Variants in RBFOX1 observed in about 807,000 individuals in gnomAD.
The protein encoded by RBFOX1 is RNA binding protein fox-1 homolog 1.
In RBFOX1, 8 loss-of-function variants were observed where a neutral mutation model predicts 57.7. That is an observed-to-expected ratio of 0.14 (90% CI 0.08 to 0.25). The LOEUF (loss-of-function observed/expected upper bound fraction) is 0.25. RBFOX1 is among the 10% of genes least tolerant of loss of function. The pLI, the probability that RBFOX1 is intolerant of heterozygous loss-of-function variation, is 1.00. For synonymous variants in RBFOX1, 326 were observed against 222.4 expected, an observed-to-expected ratio of 1.47 and a Z score of -4.15; for missense variants, 611 against 548.5, an observed-to-expected ratio of 1.11 and a Z score of -1.14.
chr16:6,000,527 T>G (rs970913837), intron 4 of RBFOX1, among the ~76,000 whole-genome samples: 5 of 152,122 alleles, frequency 3.3e-5, no homozygotes, highest in African/African-American at 1.2e-4. Context: ...GTACGCAAAA[T>G]AAGGGCGAAA....
At chr16:7,687,094 G>T (rs2076228498) in intron 14 of RBFOX1, among the ~76,000 whole-genome samples, 1 of 152,052 alleles carries the variant, frequency 6.6e-6, no homozygotes, top group Non-Finnish European at 1.5e-5. Flanking sequence ...GATAGGTGTA[G>T]GACCTTTGAG....
At chr16:5,887,759 T>G (rs2057936626) in intron 4 of RBFOX1, among the ~76,000 whole-genome samples, 1 of 152,134 alleles carries the variant, frequency 6.6e-6, no homozygotes, top group Admixed American at 6.5e-5. Flanking sequence ...CAGGGATTGG[T>G]TCACCCGAGG....
intron 3 of RBFOX1, among the ~76,000 whole-genome samples, chr16:6,968,500 T>G (rs1250015847): frequency 6.6e-6 from 1 of 152,132 alleles, no homozygotes; most frequent in Non-Finnish European, 1.5e-5. Context: ...TTGGCTGAAG[T>G]TCTCCCATAG....
At chr16:7,251,904 C>T (rs188825585) in intron 4 of RBFOX1, among the ~76,000 whole-genome samples, 3 of 152,146 alleles carry the variant, frequency 2.0e-5, no homozygotes, top group Admixed American at 1.3e-4. Context: ...TTTTAAGGAA[C>T]CTCCATACCA....
intron 4 of RBFOX1, among the ~76,000 whole-genome samples, chr16:7,134,044 G>A (rs555981369): frequency 5.9e-5 from 9 of 152,248 alleles, no homozygotes; most frequent in African/African-American, 2.2e-4. Flanking sequence ...AATTTAATAC[G>A]TGGGCCTCAG....
In RBFOX1 at chr16:5,443,997, C is replaced by T. The variant is rs75635757; in HGVS notation, c.220-23219C>T. Among the ~76,000 whole-genome samples the T allele has an allele frequency of 3.3e-3, 501 of 152,100 alleles. 8 individuals are homozygous for T. The East Asian group carries it at 0.039, about 12-fold the overall frequency. On this transcript the variant is annotated intron_variant, in intron 1 of 2. Coordinates refer to the RBFOX1 transcript ENST00000585867. ...TCATGAAACATTTCATCTTGTAATA[C>T]GTTAATAGAGAAAACCGAGGTGATT...
chr16:7,068,243 G>C (rs2056573231), intron 4 of RBFOX1, among the ~76,000 whole-genome samples: 1 of 152,052 alleles, frequency 6.6e-6, no homozygotes. Flanking sequence ...AAGATTGTCG[G>C]TCCAAAATCA....
At chr16:6,091,959 C>T (rs1035760578) in intron 1 of RBFOX1, among the ~76,000 whole-genome samples, 2 of 152,192 alleles carry the variant, frequency 1.3e-5, no homozygotes, top group Admixed American at 6.5e-5. Context: ...GTCCATCTAC[C>T]CATGCATCTA....
intron 1 of RBFOX1, among the ~76,000 whole-genome samples, chr16:5,245,554 C>T (rs1465560951): frequency 6.6e-6 from 1 of 152,280 alleles, no homozygotes; most frequent in East Asian, 1.9e-4. Flanking sequence ...AAGGGATTCT[C>T]CTGCCTCAGC....
intron 1 of RBFOX1, among the ~76,000 whole-genome samples, chr16:6,158,090 G>A (rs1401448679): frequency 1.3e-5 from 2 of 152,198 alleles, no homozygotes; most frequent in Non-Finnish European, 2.9e-5. Context: ...GATTCCCCGA[G>A]ATAAAACCCG....
chr16:5,942,653 A>G lies in RBFOX1; in HGVS notation c.351+75318A>G, dbSNP rs968959074. 3.9e-5 allele frequency among the ~76,000 whole-genome samples: 6 copies of G among 152,106 alleles called. 1 individual carries two copies. The South Asian group carries it at 6.2e-4, about 16-fold the overall frequency. ...AGGCAGTTTAGTTTTGATAAGGTCT[A>G]TTATGTTTTAAAATACAAACTACCT... On this transcript the variant is annotated intron_variant, in intron 4 of 19. Transcript: ENST00000641259.
chr16:6,854,536 C>T (rs543627929), intron 3 of RBFOX1, among the ~76,000 whole-genome samples: 2 of 149,682 alleles, frequency 1.3e-5, no homozygotes, highest in South Asian at 2.1e-4. Context: ...GCCTGGCCAA[C>T]GACATCTTCT....
At chr16:5,663,506 A>G (rs1286970340) in intron 3 of RBFOX1, among the ~76,000 whole-genome samples, 1 of 152,262 alleles carries the variant, frequency 6.6e-6, no homozygotes, top group African/African-American at 2.4e-5. Context: ...CACCTGGCTG[A>G]AAAATCCTAT....
chr16:7,051,297 G>C (rs1035316008), intron 3 of RBFOX1, among the ~76,000 whole-genome samples: 6 of 152,162 alleles, frequency 3.9e-5, no homozygotes, highest in African/African-American at 1.4e-4. Flanking sequence ...GCATAATCAT[G>C]TAATACGACT....
At chr16:6,841,052 G>C (rs956498907) in intron 3 of RBFOX1, among the ~76,000 whole-genome samples, 4 of 152,056 alleles carry the variant, frequency 2.6e-5, no homozygotes, top group African/African-American at 9.7e-5. Context: ...AACTTGTTTT[G>C]TGCAAGCCAC....
intron 4 of RBFOX1, among the ~76,000 whole-genome samples, chr16:7,091,474 A>G (rs1295253616): frequency 6.6e-6 from 1 of 151,916 alleles, no homozygotes; most frequent in Non-Finnish European, 1.5e-5. Context: ...AGACGGGGAG[A>G]GAGTTATGCC....
chr16:6,528,701 C>G (rs146193565), intron 2 of RBFOX1, among the ~76,000 whole-genome samples: 20 of 152,268 alleles, frequency 1.3e-4, no homozygotes, highest in African/African-American at 4.6e-4. Flanking sequence ...TTCTCAACCA[C>G]TCCAGTATTG....
chr16:5,426,194 G>T (rs187605502), intron 1 of RBFOX1, among the ~76,000 whole-genome samples: 49 of 152,228 alleles, frequency 3.2e-4, no homozygotes, highest in Non-Finnish European at 5.9e-4. Context: ...GTGCAATTGC[G>T]GGGCACGTTT....
chr16:6,000,065 A>AT (rs2060569850), intron 4 of RBFOX1, among the ~76,000 whole-genome samples: 1 of 151,868 alleles, frequency 6.6e-6, no homozygotes, highest in Non-Finnish European at 1.5e-5. Context: ...CCTTGCAGTG[A>AT]TTTGTCGGAA....
Sources: gnomAD v4.1 joint callset for allele counts (sites outside exome capture counted in the v4.1 genomes callset) on GRCh38, gnomAD v4.1.1 for gene constraint, MANE v1.5 for transcripts, NCBI Gene and HGNC (gene_info 2026-07-23, HGNC 2026-07-21) for gene names.